Variants in TKTL1 observed in about 807,000 individuals in gnomAD.
TKTL1 encodes the protein transketolase-like protein 1.
TKTL1 carries 1 observed loss-of-function variant against 39.3 expected under a neutral mutation model. The ratio of observed to expected loss-of-function variants is 0.03; its 90% CI spans 0.01 to 0.12. The LOEUF (loss-of-function observed/expected upper bound fraction) is 0.12, where lower values mean the gene tolerates loss of function less well. TKTL1 is among the 10% of genes least tolerant of loss of function. The pLI, the probability that TKTL1 is intolerant of heterozygous loss-of-function variation, is 1.00. For synonymous variants in TKTL1, 262 were observed against 193.8 expected, an observed-to-expected ratio of 1.35 and a Z score of -2.92; for missense variants, 575 against 509.6, an observed-to-expected ratio of 1.13 and a Z score of -1.24.
intron 1 of TKTL1, 91 bp downstream of exon 1, chrX:154,296,084 G>GA: frequency 9.3e-7 from 1 of 1,077,172 alleles, no homozygotes; most frequent in East Asian, 3.0e-5. Flanking sequence ...GGTGAAGGGA[G>GA]AGCCTTCAGA....
chrX:154,300,531 C>T (rs111674191), intron 1 of TKTL1, among the ~76,000 whole-genome samples: 12,778 of 111,348 alleles, frequency 0.11, 1,711 homozygotes, highest in African/African-American at 0.39. Context: ...GTTGTTTTTG[C>T]TGTTTACAGC....
chrX:154,297,176 G>A, intron 1 of TKTL1, among the ~76,000 whole-genome samples: 1 of 111,979 alleles, frequency 8.9e-6, no homozygotes, highest in Non-Finnish European at 1.9e-5. Flanking sequence ...GAACAAAAAT[G>A]AGCTGTTGAA....
intron 2 of TKTL1, 50 bp from the exon 3 acceptor site, chrX:154,309,295 T>TA (rs1896734009): frequency 1.9e-6 from 2 of 1,060,610 alleles, no homozygotes; most frequent in Non-Finnish European, 2.6e-6. Context: ...GTCCACCTGA[T>TA]ACCATGTCCT....
rs1019142113 is a variant in TKTL1 at position 154,310,751 on chromosome X, G to A, written c.351-85G>A. On this transcript the variant is annotated intron_variant, in intron 3 of 12. Coordinates refer to ENST00000369915, the MANE Select transcript of TKTL1 (RefSeq NM_012253.4). ...GGTCTGGAGCAGCAGCTCCAGTTGCGTCCGTTTCTCCTCCTGAAATGCATT... is the reference window on the plus strand; with the variant it reads ...GGTCTGGAGCAGCAGCTCCAGTTGCATCCGTTTCTCCTCCTGAAATGCATT... 13 of 848,879 alleles carry A rather than the reference G, an allele frequency of 1.5e-5. No individual in the cohort carries two copies. The East Asian group carries it at 1.6e-4, about 10-fold the overall frequency. The allele number at this position is 848,879 out of a possible 1,213,427, so 70.0% of individuals were successfully genotyped here.
rs201282093 is a variant in TKTL1 at position 154,305,415 on chromosome X, C to T, written c.246C>T (p.Leu82=). The change falls in exon 2 of 13, where the codon CTC becomes CTT. Residue 82 remains leucine, a synonymous_variant. Transcript: ENST00000369915. ...PENPDNDRFV[L]AKRLSFVDVA... ...ATCCGGACAACGACCGATTTGTCCT[C>T]GCAAAGGTATGCCGGTGGGGAGCCC... 1.3e-5 allele frequency: 16 copies of T among 1,206,420 alleles called. No homozygotes were observed. The highest frequency in any genetic ancestry group is 2.4e-4 in the Middle Eastern group (1 of 4,209).
chrX:154,302,283 T>G (rs1192911072), intron 1 of TKTL1, among the ~76,000 whole-genome samples: 11 of 111,092 alleles, frequency 9.9e-5, no homozygotes, highest in African/African-American at 3.6e-4. Context: ...CTGTAGAGAA[T>G]GTCATCTAAG....
chrX:154,329,015 G>A (rs781807012), intron 12 of TKTL1, among the ~76,000 whole-genome samples: 1 of 112,460 alleles, frequency 8.9e-6, no homozygotes, highest in African/African-American at 3.2e-5. Flanking sequence ...AGTGTGTACT[G>A]GGGGCAGGTC....
chrX:154,322,040 A>C (rs372134032), intron 8 of TKTL1, among the ~76,000 whole-genome samples: 10 of 110,011 alleles, frequency 9.1e-5, no homozygotes, highest in African/African-American at 3.3e-4. Flanking sequence ...CATGCCTGTA[A>C]TCCCAGCACT....
intron 8 of TKTL1, among the ~76,000 whole-genome samples, chrX:154,322,698 G>A (rs73629174): frequency 3.6e-5 from 4 of 111,154 alleles, no homozygotes; most frequent in Non-Finnish European, 5.7e-5. Context: ...GAGAAACTAC[G>A]TTCCCAGATA....
rs2067465782 is a variant in TKTL1 at position 154,323,223 on chromosome X, C to G, written c.1203C>G (p.Ser401=). The G allele has an allele frequency of 2.5e-5, 30 of 1,208,622 alleles. No individual in the cohort carries two copies. In the East Asian group the frequency reaches 8.6e-4, roughly 35 times the overall value. ...CGVSVGDDGA[S]QMALEDIAMF... is the part of the protein sequence containing the mutation. Reference sequence around the variant, plus strand: ...TTCTCTCAGGTGACGATGGTGCTTCCCAGATGGCCCTGGAGGATATAGCCA... The same window carrying G: ...TTCTCTCAGGTGACGATGGTGCTTCGCAGATGGCCCTGGAGGATATAGCCA... The change falls in exon 9 of 13, where the codon TCC becomes TCG. Residue 401 remains serine, a synonymous_variant. Transcript: ENST00000369915.
intron 1 of TKTL1, among the ~76,000 whole-genome samples, chrX:154,298,939 G>T (rs929870280): frequency 3.7e-4 from 41 of 109,451 alleles, no homozygotes; most frequent in Non-Finnish European, 7.2e-4. Context: ...CAGACCCCTG[G>T]CCTCAAGTGA....
chrX:154,305,652 C>T (rs2067309314), intron 2 of TKTL1, among the ~76,000 whole-genome samples: 1 of 110,931 alleles, frequency 9.0e-6, no homozygotes, highest in Admixed American at 9.6e-5. Context: ...TTTGGTCACA[C>T]CCTGCCTCGC....
At chrX:154,297,903 A>AG (rs1388390096) in intron 1 of TKTL1, among the ~76,000 whole-genome samples, 1 of 112,013 alleles carries the variant, frequency 8.9e-6, no homozygotes, top group Non-Finnish European at 1.9e-5. Context: ...GACCTTGTAG[A>AG]GAAAAAAAAA....
chrX:154,320,469 C>G (rs782032873), intron 7 of TKTL1: 2 of 346,843 alleles, frequency 5.8e-6, no homozygotes, highest in African/African-American at 2.6e-5. Context: ...AGGACAGATT[C>G]AGGATGTCCT....
At chrX:154,323,172 A>G (rs1414621182) in intron 8 of TKTL1, 35 bp from the exon 9 acceptor site, 1 of 1,206,084 alleles carries the variant, frequency 8.3e-7, no homozygotes, top group Non-Finnish European at 1.1e-6. Flanking sequence ...TAATGGGGTT[A>G]TGCTCCTGTT....
At chrX:154,314,349 C>T (rs1415276737) in intron 6 of TKTL1, among the ~76,000 whole-genome samples, 1 of 110,921 alleles carries the variant, frequency 9.0e-6, no homozygotes, top group African/African-American at 3.3e-5. Context: ...GAACATTAGC[C>T]CATCTCAACT....
chrX:154,306,439 T>C (rs1306171308), intron 2 of TKTL1, among the ~76,000 whole-genome samples: 2 of 111,627 alleles, frequency 1.8e-5, no homozygotes, highest in Admixed American at 9.5e-5. Flanking sequence ...ACCCTTGTCT[T>C]GGTGTCTGAA....
At chrX:154,299,846 C>G (rs1394595297) in intron 1 of TKTL1, among the ~76,000 whole-genome samples, 1 of 111,560 alleles carries the variant, frequency 9.0e-6, no homozygotes, top group Non-Finnish European at 1.9e-5. Flanking sequence ...GGTTGATGGA[C>G]ACTTAGGTTG....
chrX:154,301,244 G>T (rs1202246328), intron 1 of TKTL1, among the ~76,000 whole-genome samples: 1 of 110,217 alleles, frequency 9.1e-6, no homozygotes, highest in Non-Finnish European at 1.9e-5. Context: ...GGCCAGGCGC[G>T]GTGGCTCATG....
Sources: allele counts gnomAD v4.1 joint callset (sites outside exome capture counted in the v4.1 genomes callset), GRCh38; gene constraint gnomAD v4.1.1; transcripts MANE v1.5; gene names NCBI Gene and HGNC (gene_info 2026-07-23, HGNC 2026-07-21).